NFS1: variants seen among roughly 807,000 people sequenced by gnomAD.
NFS1 encodes NFS1 cysteine desulfurase.
A neutral mutation model predicts 57.3 loss-of-function variants in NFS1; 26 were observed. That is an observed-to-expected ratio of 0.45 (90% confidence interval 0.33 to 0.63). The LOEUF is 0.63. Ranked by LOEUF, NFS1 falls within the 20% of genes least tolerant of loss-of-function variation. NFS1 has a pLI of 0.02. For missense variants in NFS1, 505 were observed against 605.8 expected, an observed-to-expected ratio of 0.83 and a Z score of 1.75; for synonymous variants, 209 against 216.3, an observed-to-expected ratio of 0.97 and a Z score of 0.30.
At chr20:35,671,684 G>A (rs1407764360) in intron 12 of NFS1, among the ~76,000 whole-genome samples, 1 of 152,064 alleles carries the variant, frequency 6.6e-6, no homozygotes, top group African/African-American at 2.4e-5. Flanking sequence ...GAGCCCGGGA[G>A]TTTGAGACCA....
chr20:35,678,752 G>A (rs1245133045), intron 7 of NFS1, among the ~76,000 whole-genome samples: 1 of 151,804 alleles, frequency 6.6e-6, no homozygotes, highest in East Asian at 1.9e-4. Context: ...CTAGTTACTG[G>A]TGAGGCTGGG....
rs540227469 is a variant in NFS1 at position 35,673,009 on chromosome 20, C to T, written c.1221-165G>A. Among the ~76,000 whole-genome samples the T allele has an allele frequency of 7.5e-4, 114 of 152,262 alleles. 1 individual carries two copies. The highest frequency in any genetic ancestry group is 2.6e-3 in the African/African-American group (109 of 41,554). ...CTCAGAACATGGTATATGGATCGGC[C>T]GGGCATGGTGGCTCACGCCTGTAAT... On this transcript the variant is annotated intron_variant, in intron 11 of 12. Transcript: ENST00000374092.
At chr20:35,698,648 G>C (rs780425522) in intron 1 of NFS1, 58 bp from the exon 2 acceptor site, 107 of 1,519,230 alleles carry the variant, frequency 7.0e-5, no homozygotes, top group Non-Finnish European at 9.1e-5. Context: ...TGAACGCATG[G>C]CATCCAAAGG....
At chr20:35,687,415 CCTCT>C (rs141567718) in intron 5 of NFS1, among the ~76,000 whole-genome samples, 89 of 147,750 alleles carry the variant, frequency 6.0e-4, no homozygotes, top group Middle Eastern at 3.4e-3. Context: ...CTCTCTCTCT[CCTCT>C]CTCTCTCTCT....
chr20:35,675,004 A>G, intron 8 of NFS1, 41 bp downstream of exon 8: 1 of 1,613,280 alleles, frequency 6.2e-7, no homozygotes, highest in Non-Finnish European at 8.5e-7. Flanking sequence ...GAGACCCAGC[A>G]CAGGGGAAGA....
At chr20:35,677,697 A>G (rs1298287724) in intron 7 of NFS1, among the ~76,000 whole-genome samples, 1 of 152,202 alleles carries the variant, frequency 6.6e-6, no homozygotes, top group Non-Finnish European at 1.5e-5. Context: ...CCCACACAGA[A>G]AAACTGTTTA....
At chr20:35,691,391 T>G (rs1251435157) in intron 4 of NFS1, among the ~76,000 whole-genome samples, 7 of 151,622 alleles carry the variant, frequency 4.6e-5, no homozygotes, top group African/African-American at 1.7e-4. Context: ...CATTTAAAAA[T>G]TCCTGGAATT....
At chr20:35,674,085 T>G (rs904980547) in intron 10 of NFS1, 2 of 488,756 alleles carry the variant, frequency 4.1e-6, no homozygotes, top group Non-Finnish European at 7.3e-6. Context: ...GTAACAGAAC[T>G]GCTAGTGTAA....
At chr20:35,678,192 CA>C (rs536417063) in intron 7 of NFS1, among the ~76,000 whole-genome samples, 274 of 134,770 alleles carry the variant, frequency 2.0e-3, no homozygotes, top group East Asian at 4.9e-3. Context: ...TACAAAAATA[CA>C]AAAAAAAAAA....
intron 6 of NFS1, 149 bp from the exon 7 acceptor site, chr20:35,681,020 T>G: frequency 1.9e-6 from 1 of 530,820 alleles, no homozygotes. Flanking sequence ...TCCTTCCTCT[T>G]TTCCTTCCCT....
rs542669325 is a variant in NFS1, at chr20:35,695,848, T to C, written c.408+529A>G. Among the ~76,000 whole-genome samples, 8 of 152,212 alleles carry C rather than the reference T, an allele frequency of 5.3e-5. No individual in the cohort carries two copies. In the East Asian group the frequency reaches 1.5e-3, roughly 29 times the overall value. On this transcript the variant is annotated intron_variant, in intron 4 of 12. Transcript: ENST00000374092. ...TCAGGTCAAGAGATTGAGATCATCC[T>C]GGCCAATATGGTGAAACCCCATCTC...
At chr20:35,680,629 G>A (rs975462099) in intron 7 of NFS1, 108 bp downstream of exon 7, 3 of 999,676 alleles carry the variant, frequency 3.0e-6, no homozygotes, top group South Asian at 5.2e-5. Context: ...GACTCTGAAT[G>A]TACAACTTCC....
chr20:35,681,370 G>C (rs182974924), intron 6 of NFS1, among the ~76,000 whole-genome samples: 96 of 152,244 alleles, frequency 6.3e-4, no homozygotes, highest in African/African-American at 2.1e-3. Context: ...GGTTGGTTTT[G>C]GCAGCAACTG....
Position 35,668,466 on chromosome 20 carries a change from T to C in NFS1, c.*1156A>G, listed in dbSNP as rs943787635. The C allele has an allele frequency of 6.6e-6, 1 of 152,264 alleles. No individual in the cohort carries two copies. The highest frequency in any genetic ancestry group is 2.4e-5 in the African/African-American group (1 of 41,474). The allele number at this position is 152,264 out of a possible 1,614,324, so 9.4% of individuals were successfully genotyped here. A position where few individuals can be genotyped will look rare whatever the true frequency, so the allele number is the denominator to read the frequency against. ...GTTCAGACCCACAAATGAAAAGCTC[T>C]AGTTACAATGGCCTTCTCTTGGTTT... On this transcript the variant is annotated 3_prime_UTR_variant, in exon 13 of 13. Coordinates refer to ENST00000374092, the MANE Select transcript of NFS1 (RefSeq NM_021100.5).
chr20:35,690,286 T>C (rs2035020149), intron 5 of NFS1, 127 bp downstream of exon 5: 1 of 900,954 alleles, frequency 1.1e-6, no homozygotes, highest in African/African-American at 1.7e-5. Flanking sequence ...GCCAGGCTTA[T>C]TTCTCTAAAC....
chr20:35,690,688 A>G (rs2035027229), intron 4 of NFS1, 123 bp from the exon 5 acceptor site: 8 of 900,170 alleles, frequency 8.9e-6, no homozygotes, highest in Non-Finnish European at 1.4e-5. Flanking sequence ...CTCTCATACC[A>G]ACTGAGTATC....
Position 35,674,506 on chromosome 20 carries a change from C to A in NFS1, c.1054+6G>T, listed in dbSNP as rs1294036958. 4.3e-6 allele frequency: 7 copies of A among 1,613,212 alleles called. No individual in the cohort carries two copies. The highest frequency in any genetic ancestry group is 5.9e-6 in the Non-Finnish European group (7 of 1,179,270). On this transcript the variant is annotated splice_donor_region_variant and intron_variant, in intron 9 of 12. Coordinates refer to ENST00000374092, the MANE Select transcript of NFS1 (RefSeq NM_021100.5). ...CAGAATGAGGATAGAAAGAGCAAGT[C>A]CATACCGGGATAATGGTGCTTAGGG...
intron 3 of NFS1, among the ~76,000 whole-genome samples, 200 bp downstream of exon 3, chr20:35,697,484 A>T (rs1443957896): frequency 6.6e-6 from 1 of 152,142 alleles, no homozygotes; most frequent in Non-Finnish European, 1.5e-5. Context: ...AAATTAGATA[A>T]CTTGCCCAAG....
At chr20:35,674,983 C>A in intron 8 of NFS1, 62 bp downstream of exon 8, 9 of 1,601,546 alleles carry the variant, frequency 5.6e-6, no homozygotes, top group Non-Finnish European at 7.7e-6. Context: ...TGCTGAGAAG[C>A]CTCTAAATAG....
Sources: gnomAD v4.1 joint callset for allele counts (sites outside exome capture counted in the v4.1 genomes callset) on GRCh38, gnomAD v4.1.1 for gene constraint, MANE v1.5 for transcripts, NCBI Gene and HGNC (gene_info 2026-07-23, HGNC 2026-07-21) for gene names.